The following EWSR1 variants were observed in gnomAD, a reference collection of about 807,000 sequenced individuals.
The protein encoded by EWSR1 is EWS RNA binding protein 1, also known as RNA-binding protein EWS.
A neutral mutation model predicts 92.1 loss-of-function variants in EWSR1; 14 were observed. The ratio of observed to expected loss-of-function variants is 0.15; its 90% CI spans 0.10 to 0.24. The LOEUF (loss-of-function observed/expected upper bound fraction) is 0.24, where lower values mean the gene tolerates loss of function less well. Ranked by LOEUF, EWSR1 falls within the 10% of genes least tolerant of loss-of-function variation. The pLI is 1.00. For synonymous variants in EWSR1, 303 were observed against 292.9 expected, an observed-to-expected ratio of 1.03 and a Z score of -0.35; for missense variants, 637 against 870.9, an observed-to-expected ratio of 0.73 and a Z score of 3.38.
chr22:29,280,555 G>A lies in EWSR1; in HGVS notation c.414-1835G>A, dbSNP rs905686276. ...GGTTCATCTGAGCAGGGACTTGGGA[G>A]GGGTCTCTTTGCCTTACTCTGGTGT... is the stretch of plus-strand genomic sequence containing the variant. On this transcript the variant is annotated intron_variant, in intron 5 of 16. Coordinates refer to ENST00000397938, the MANE Select transcript of EWSR1 (RefSeq NM_005243.4). 2.0e-5 allele frequency among the ~76,000 whole-genome samples: 3 copies of A among 152,320 alleles called. No homozygotes were observed. In the South Asian group the frequency reaches 6.2e-4, roughly 32 times the overall value.
intron 6 of EWSR1, among the ~76,000 whole-genome samples, chr22:29,286,376 A>G (rs1291852785): frequency 6.6e-6 from 1 of 151,480 alleles, no homozygotes; most frequent in Non-Finnish European, 1.5e-5. Flanking sequence ...TAAGGATTAT[A>G]CAGATGGTGG....
At chr22:29,290,905 C>T (rs1383129958) in intron 8 of EWSR1, 11 of 246,564 alleles carry the variant, frequency 4.5e-5, no homozygotes, top group Admixed American at 1.6e-4. Context: ...TTTTACATGG[C>T]CATAGTCATT....
chr22:29,278,255 GGAGGGAAAGAAAGC>G, intron 5 of EWSR1, 39 bp downstream of exon 5: 1 of 1,588,502 alleles, frequency 6.3e-7, no homozygotes, highest in Admixed American at 1.8e-5. Flanking sequence ...GTCTTATGTT[GGAGGGAAAGAAAGC>G]AACTGTGTAC....
At chr22:29,296,186 T>C in intron 11 of EWSR1, 53 bp from the exon 12 acceptor site, 1 of 1,560,190 alleles carries the variant, frequency 6.4e-7, no homozygotes, top group Non-Finnish European at 8.7e-7. Flanking sequence ...TGGACTTTTT[T>C]CTCCCAAATT....
chr22:29,298,086 A>G (rs546717753), intron 13 of EWSR1, 137 bp downstream of exon 13: 5 of 1,034,486 alleles, frequency 4.8e-6, no homozygotes, highest in Admixed American at 5.4e-5. Flanking sequence ...CTAACAATGA[A>G]TGTTTGTTGG....
chr22:29,291,387 A>T, intron 8 of EWSR1, 175 bp from the exon 9 acceptor site: 1 of 588,420 alleles, frequency 1.7e-6, no homozygotes, highest in South Asian at 2.8e-5. Context: ...AAGGTTGTAT[A>T]TTGAGGAAAT....
At chr22:29,292,208 G>A in intron 10 of EWSR1, 39 bp downstream of exon 10, 1 of 1,590,576 alleles carries the variant, frequency 6.3e-7, no homozygotes, top group Non-Finnish European at 8.6e-7. Flanking sequence ...ATCGTGCTTT[G>A]TAAATTAATG....
chr22:29,278,824 C>CAA (rs528971696), intron 5 of EWSR1, among the ~76,000 whole-genome samples: 1,994 of 141,296 alleles, frequency 0.014, 17 homozygotes, highest in Non-Finnish European at 0.017. Context: ...GACTCGGTCT[C>CAA]AAAAAAAAAA....
rs2060106207 is a variant in EWSR1, at chr22:29,287,142, G to A, written c.793+8G>A. 6.2e-7 allele frequency: 1 copy of A among 1,613,152 alleles called. No individual in the cohort carries two copies. The highest frequency in any genetic ancestry group is 1.7e-5 in the Admixed American group (1 of 59,868). On this transcript the variant is annotated splice_region_variant and intron_variant, in intron 7 of 16. Transcript: ENST00000397938. Reference sequence around the variant, plus strand: ...GCAGCTACGGGCAGCAGAGTGAGTTGCTAAGAGAGAAAACCAAATAAGAAT... The same window carrying A: ...GCAGCTACGGGCAGCAGAGTGAGTTACTAAGAGAGAAAACCAAATAAGAAT...
chr22:29,273,410 C>T (rs1312403302), intron 3 of EWSR1, among the ~76,000 whole-genome samples: 1 of 152,178 alleles, frequency 6.6e-6, no homozygotes, highest in Non-Finnish European at 1.5e-5. Context: ...ATTGCTCTTC[C>T]CTTGAGAGTG....
chr22:29,299,683 T>TCAGAGGTGGCCGTGGTGGAGA lies in EWSR1; in HGVS notation c.1774_1794dup (p.Arg592_Gly598dup), dbSNP rs756091192. On this transcript the variant is annotated inframe_insertion, in exon 16 of 17. Transcript: ENST00000397938. ...GATCGTGGTGGTCCCGGTGGAATGTTCAGAGGTGGCCGTGGTGGAGACAGA... is the reference window on the plus strand; with the variant it reads ...GATCGTGGTGGTCCCGGTGGAATGTTCAGAGGTGGCCGTGGTGGAGACAGAGGTGGCCGTGGTGGAGACAGA... 2 of 1,612,444 alleles carry TCAGAGGTGGCCGTGGTGGAGA rather than the reference T, an allele frequency of 1.2e-6. No individual in the cohort carries two copies. Among genetic ancestry groups the TCAGAGGTGGCCGTGGTGGAGA allele is most frequent in the African/African-American group, 2.7e-5 (2 of 74,742 alleles).
intron 8 of EWSR1, chr22:29,290,848 T>G (rs946284438): frequency 6.5e-6 from 2 of 309,806 alleles, no homozygotes; most frequent in Non-Finnish European, 1.1e-5. Flanking sequence ...AAACAAAATC[T>G]AACCCAAAAA....
At chr22:29,274,324 A>G (rs772694808) in intron 4 of EWSR1, 3 of 1,607,276 alleles carry the variant, frequency 1.9e-6, no homozygotes, top group African/African-American at 2.7e-5. Flanking sequence ...AATGCTTTCC[A>G]TCTTGTCTAA....
chr22:29,272,251 G>A lies in EWSR1; in HGVS notation c.49G>A (p.Gly17Ser). Reference sequence around the variant, plus strand: ...CTATAGCCAAGCTGCAGCGCAGCAGGGGTAAGTCAGTCTTTTATAACCGTA... The same window carrying A: ...CTATAGCCAAGCTGCAGCGCAGCAGAGGTAAGTCAGTCTTTTATAACCGTA... The part of the protein sequence containing the change: ...STYSQAAAQQ[G>S]YSAYTAQPTQ... The change falls in exon 2 of 17, where the codon GGC (glycine) becomes AGC (serine). Residue 17 changes from glycine (G) to serine (S), a missense_variant and splice_region_variant. Physicochemically the swap from Gly to Ser is moderately conservative, Grantham distance 56. Around this residue, in one of 5 missense-constraint regions of EWSR1, gnomAD observed 144 missense variants for 189.0 expected, o/e 0.76. Coordinates refer to ENST00000397938, the MANE Select transcript of EWSR1 (RefSeq NM_005243.4). 1 of 1,614,070 alleles carries A rather than the reference G, an allele frequency of 6.2e-7. No individual in the cohort carries two copies.
Position 29,297,912 on chromosome 22 carries a change from C to T in EWSR1, c.1380C>T (p.Pro460=), listed in dbSNP as rs1328117352. ...ACAGTATGCGGGGTGGTCTGCCACC[C>T]CGTGAGGGCAGAGGCATGCCACCAC... ...PMNSMRGGLP[P]REGRGMPPPL... is the part of the protein sequence containing the mutation. Residue 460 remains proline (P), a synonymous_variant, in exon 13 of 17, where the codon CCC becomes CCT. Coordinates refer to ENST00000397938, the MANE Select transcript of EWSR1 (RefSeq NM_005243.4). The T allele has an allele frequency of 2.5e-6, 4 of 1,614,058 alleles. No homozygotes were observed. The highest frequency in any genetic ancestry group is 3.4e-6 in the Non-Finnish European group (4 of 1,179,986).
In EWSR1 at chr22:29,271,015, C is replaced by T. The variant is rs2058637310; in HGVS notation, c.14-1201C>T. ...AAGTACAGAGAGGTAGGCAGATAAG[C>T]CAACGTGAAGAGATGGATTCAGCAA... On this transcript the variant is annotated intron_variant, in intron 1 of 16. Transcript: ENST00000397938. Among the ~76,000 whole-genome samples, 9 of 152,162 alleles carry T rather than the reference C, an allele frequency of 5.9e-5. 1 individual carries two copies. The South Asian group carries it at 1.9e-3, about 32-fold the overall frequency.
chr22:29,289,337 C>G (rs2060275097), intron 8 of EWSR1: 1 of 229,972 alleles, frequency 4.3e-6, no homozygotes. Flanking sequence ...AAAGAAAAAT[C>G]CAATAGCATT....
chr22:29,293,047 C>A lies in EWSR1; in HGVS notation c.1164+441C>A, dbSNP rs780971861. 1.3e-5 allele frequency among the ~76,000 whole-genome samples: 2 copies of A among 152,112 alleles called. 1 individual carries two copies. Among genetic ancestry groups the A allele is most frequent in the Non-Finnish European group, 2.9e-5 (2 of 68,020 alleles). On this transcript the variant is annotated intron_variant, in intron 11 of 16. Coordinates refer to ENST00000397938, the MANE Select transcript of EWSR1 (RefSeq NM_005243.4). ...GATTACAGGTGTGATCCCCTACGCCCGGCCTTCCCTCCTCCACCCCTAGGG... is the reference window on the plus strand; with the variant it reads ...GATTACAGGTGTGATCCCCTACGCCAGGCCTTCCCTCCTCCACCCCTAGGG...
intron 4 of EWSR1, chr22:29,275,882 T>C (rs2059069610): frequency 4.3e-6 from 1 of 232,062 alleles, no homozygotes; most frequent in Non-Finnish European, 8.5e-6. Context: ...TGTCAGCACA[T>C]AGTAGGTGTG....
Sources: allele counts gnomAD v4.1 joint callset (sites outside exome capture counted in the v4.1 genomes callset), GRCh38; gene constraint gnomAD v4.1.1; regional missense constraint gnomAD v4.1.1; transcripts MANE v1.5; gene names NCBI Gene and HGNC (gene_info 2026-07-23, HGNC 2026-07-21).